SCUBE2: variants seen among roughly 807,000 people sequenced by gnomAD.
SCUBE2 encodes signal peptide, CUB domain and EGF like domain containing 2.
Under a neutral mutation model 125.9 loss-of-function variants are expected in SCUBE2, and 114 were observed. The observed-to-expected ratio is 0.91, with a 90% confidence interval of 0.78 to 1.06. The LOEUF is 1.06. Ranked by LOEUF, SCUBE2 falls within the 50% of genes least tolerant of loss-of-function variation. SCUBE2 has a pLI of 0.00. For synonymous variants in SCUBE2, 459 were observed against 492.9 expected, an observed-to-expected ratio of 0.93 and a Z score of 0.91; for missense variants, 1,255 against 1,301.8, an observed-to-expected ratio of 0.96 and a Z score of 0.55.
intron 21 of SCUBE2, chr11:9,024,334 A>G (rs1413679767): frequency 7.9e-7 from 1 of 1,271,244 alleles, no homozygotes; most frequent in African/African-American, 1.5e-5. Flanking sequence ...CAGCAGAGCC[A>G]TGTGGGAGGC....
intron 2 of SCUBE2, among the ~76,000 whole-genome samples, chr11:9,083,359 T>C (rs114469561): frequency 0.016 from 2,478 of 152,262 alleles, 59 homozygotes; most frequent in African/African-American, 0.056. Flanking sequence ...ACAAAATAGC[T>C]GTATGCTATA....
intron 16 of SCUBE2, among the ~76,000 whole-genome samples, chr11:9,039,643 C>T (rs1229951727): frequency 6.6e-6 from 1 of 152,090 alleles, no homozygotes; most frequent in Non-Finnish European, 1.5e-5. Context: ...CCCATGCCTA[C>T]GAATTTTCAC....
chr11:9,027,801 G>A (rs1394889193), intron 19 of SCUBE2, among the ~76,000 whole-genome samples: 1 of 152,130 alleles, frequency 6.6e-6, no homozygotes, highest in Non-Finnish European at 1.5e-5. Flanking sequence ...TAGCCCGAAA[G>A]TGTTCACGGT....
intron 15 of SCUBE2, 127 bp from the exon 16 acceptor site, chr11:9,047,689 G>T: frequency 9.8e-7 from 1 of 1,016,626 alleles, no homozygotes; most frequent in Non-Finnish European, 1.5e-6. Context: ...GAAACCTGGA[G>T]GGGGCACCTA....
intron 4 of SCUBE2, among the ~76,000 whole-genome samples, chr11:9,072,803 G>A (rs1377032482): frequency 6.6e-6 from 1 of 152,172 alleles, no homozygotes; most frequent in East Asian, 1.9e-4. Flanking sequence ...CTCTTTAGGG[G>A]ATCCAAGAAT....
intron 9 of SCUBE2, 131 bp from the exon 10 acceptor site, chr11:9,056,040 C>G: frequency 1.4e-6 from 1 of 716,432 alleles, no homozygotes; most frequent in Non-Finnish European, 2.5e-6. Context: ...ATTATCTATC[C>G]ATTTTCCTCA....
rs560659776 is a variant in SCUBE2, at chr11:9,052,852, T to C, written c.1448-20A>G. The C allele has an allele frequency of 2.6e-6, 4 of 1,520,002 alleles. No individual in the cohort carries two copies. The highest frequency in any genetic ancestry group is 2.4e-5 in the East Asian group (1 of 40,842). 94.2% of individuals were successfully genotyped at this position (1,520,002 alleles called of 1,614,324 possible). ...GCAGTCCTGACAGACAGAATGTCAA[T>C]TGTCAAATGCATAAGCAAGGTCACA... On this transcript the variant is annotated intron_variant, in intron 12 of 22. Transcript: ENST00000649792.
intron 17 of SCUBE2, 123 bp downstream of exon 17, chr11:9,033,503 C>T (rs953080990): frequency 5.3e-5 from 59 of 1,115,144 alleles, no homozygotes; most frequent in South Asian, 3.7e-4. Flanking sequence ...ATCGAGCCAA[C>T]GTGGTCCCTG....
chr11:9,074,422 G>A (rs759686608), intron 4 of SCUBE2, 59 bp downstream of exon 4: 199 of 1,596,038 alleles, frequency 1.2e-4, no homozygotes, highest in Middle Eastern at 1.7e-4. Context: ...GTGTGTGCGC[G>A]TGCAAGGGAG....
rs1281612049 is a variant in SCUBE2, at chr11:9,091,466, C to T, written c.63G>A (p.Leu21=). Reference sequence around the variant, plus strand: ...CCGCCAGCAGCAGCAGTGGCGGCAGCAGCAGCAGCAGCAGCAGCACCGCCC... The same window carrying T: ...CCGCCAGCAGCAGCAGTGGCGGCAGTAGCAGCAGCAGCAGCAGCACCGCCC... The part of the protein sequence containing the change: ...AAWAVLLLLL[L]LPPLLLLAGA... The change falls in exon 1 of 23, where the codon CTG becomes CTA. Residue 21 remains leucine (L), a synonymous_variant. Coordinates refer to ENST00000649792, the MANE Select transcript of SCUBE2 (RefSeq NM_001367977.2). The surrounding 1 kb of genome is among the most constrained non-coding windows in gnomAD (Gnocchi z 8.5). 26 of 1,188,126 alleles carry T rather than the reference C, an allele frequency of 2.2e-5. No individual in the cohort carries two copies. In the Admixed American group the frequency reaches 5.2e-4, roughly 24 times the overall value. 73.6% of individuals were successfully genotyped at this position (1,188,126 alleles called of 1,614,324 possible). A position where few individuals can be genotyped will look rare whatever the true frequency, so the allele number is the denominator to read the frequency against.
Position 9,030,050 on chromosome 11 carries a change from G to A in SCUBE2, c.2342-5C>T. ...AATGTCCAGGTGAACATTGAACTGT[G>A]GGTCAAGGGAGGGTGAAAAGAATGA... On this transcript the variant is annotated splice_region_variant and splice_polypyrimidine_tract_variant and intron_variant, in intron 18 of 22. Transcript: ENST00000649792. 6.2e-7 allele frequency: 1 copy of A among 1,610,956 alleles called. No homozygotes were observed. The highest frequency in any genetic ancestry group is 1.7e-5 in the Admixed American group (1 of 59,894).
At chr11:9,076,043 C>A (rs901721952) in intron 3 of SCUBE2, among the ~76,000 whole-genome samples, 2 of 152,198 alleles carry the variant, frequency 1.3e-5, no homozygotes, top group Admixed American at 1.3e-4. Context: ...TAGGCAGTGG[C>A]AAACCTCAGT....
chr11:9,063,040 G>A (rs948094604), intron 7 of SCUBE2, among the ~76,000 whole-genome samples: 31 of 151,658 alleles, frequency 2.0e-4, no homozygotes, highest in Admixed American at 6.6e-5. Context: ...AGGAGGTTGA[G>A]ACCAGCCTGG....
rs143383232 is a variant in SCUBE2 at position 9,055,026 on chromosome 11, G to A, written c.1207+767C>T. Among the ~76,000 whole-genome samples the A allele has an allele frequency of 5.3e-3, 800 of 152,152 alleles. 6 individuals carry two copies. The highest frequency in any genetic ancestry group is 0.044 in the Middle Eastern group (13 of 294). ...TGGGATTAGAGCCGTAAGCCACCAC[G>A]CCCAGCATATCCAATCTTCTAAAGC... is the stretch of plus-strand genomic sequence containing the variant. On this transcript the variant is annotated intron_variant, in intron 10 of 22. Transcript: ENST00000649792.
intron 21 of SCUBE2, among the ~76,000 whole-genome samples, chr11:9,023,182 T>C (rs903096358): frequency 1.3e-5 from 2 of 152,196 alleles, no homozygotes; most frequent in African/African-American, 4.8e-5. Context: ...AATGCCTCTT[T>C]GTATGCATAT....
chr11:9,030,139 T>C, intron 18 of SCUBE2, 94 bp from the exon 19 acceptor site: 1 of 1,407,742 alleles, frequency 7.1e-7, no homozygotes, highest in South Asian at 1.4e-5. Context: ...GAAAGAAATG[T>C]TTATGTGCAA....
At chr11:9,053,785 A>G (rs1368605423) in intron 10 of SCUBE2, 26 bp from the exon 11 acceptor site, 1 of 1,603,846 alleles carries the variant, frequency 6.2e-7, no homozygotes, top group Non-Finnish European at 8.5e-7. Flanking sequence ...CTCTCCTGTC[A>G]TAGCAGCCTG....
At chr11:9,043,255 C>A (rs1488923932) in intron 16 of SCUBE2, among the ~76,000 whole-genome samples, 1 of 150,566 alleles carries the variant, frequency 6.6e-6, no homozygotes, top group Non-Finnish European at 1.5e-5. Flanking sequence ...ATATATAATA[C>A]ATACATACAT....
At chr11:9,079,814 G>C (rs543749152) in intron 2 of SCUBE2, among the ~76,000 whole-genome samples, 21 of 152,220 alleles carry the variant, frequency 1.4e-4, no homozygotes, top group Admixed American at 4.6e-4. Context: ...AACTGATTTG[G>C]AGTAATTTCT....
Sources: allele counts gnomAD v4.1 joint callset (sites outside exome capture counted in the v4.1 genomes callset), GRCh38; gene constraint gnomAD v4.1.1; non-coding constraint Gnocchi (gnomAD v3.1); transcripts MANE v1.5; gene names NCBI Gene and HGNC (gene_info 2026-07-23, HGNC 2026-07-21).